The following MTA3 variants were observed in gnomAD, a reference collection of about 807,000 sequenced individuals.
The protein encoded by MTA3 is metastasis associated 1 family member 3.
Under a neutral mutation model 83.5 loss-of-function variants are expected in MTA3, and 34 were observed. The ratio of observed to expected loss-of-function variants is 0.41; its 90% CI spans 0.31 to 0.54. MTA3 has a LOEUF of 0.54. MTA3 is among the 20% of genes least tolerant of loss of function. The probability of loss-of-function intolerance (pLI) is 0.33; values close to 1 mark genes in which losing one functional copy is unlikely to be tolerated. For synonymous variants in MTA3, 303 were observed against 252.7 expected (o/e 1.20, Z -1.89); for missense variants, 761 against 726.4 (o/e 1.05, Z -0.55).
intron 14 of MTA3, among the ~76,000 whole-genome samples, chr2:42,712,130 T>C (rs754719072): frequency 9.9e-5 from 15 of 151,978 alleles, no homozygotes; most frequent in Non-Finnish European, 2.1e-4. Context: ...AGTGAAGAAA[T>C]GGGAGCTTTT....
intron 12 of MTA3, among the ~76,000 whole-genome samples, chr2:42,707,147 A>C (rs759761849): frequency 4.6e-5 from 7 of 152,002 alleles, no homozygotes; most frequent in Admixed American, 1.3e-4. Context: ...ACCTGTTTTT[A>C]TTAGATTCCT....
chr2:42,620,769 C>T (rs1443165992), intron 4 of MTA3, among the ~76,000 whole-genome samples: 2 of 152,138 alleles, frequency 1.3e-5, no homozygotes, highest in African/African-American at 4.8e-5. Context: ...GTTGGGATTA[C>T]GGGGATGAGC....
chr2:42,540,615 G>A (rs952848568), intron 2 of MTA3, among the ~76,000 whole-genome samples: 3 of 151,836 alleles, frequency 2.0e-5, no homozygotes, highest in African/African-American at 4.8e-5. Flanking sequence ...CAGGAGGATC[G>A]CTTGAGGCCA....
intron 4 of MTA3, among the ~76,000 whole-genome samples, chr2:42,622,316 G>A (rs1367341940): frequency 6.7e-6 from 1 of 148,452 alleles, no homozygotes; most frequent in East Asian, 2.0e-4. Flanking sequence ...TGAGGCAGGA[G>A]AATCAGACAG....
rs7606545 is a variant in MTA3 at position 42,606,807 on chromosome 2, C to G, written c.191-2651C>G. Among the ~76,000 whole-genome samples, 726 of 146,654 alleles carry G rather than the reference C, an allele frequency of 5.0e-3. 9 individuals carry two copies. Among genetic ancestry groups the G allele is most frequent in the African/African-American group, 0.017 (666 of 38,758 alleles). On this transcript the variant is annotated intron_variant, in intron 3 of 16. Coordinates refer to ENST00000405094, the MANE Select transcript of MTA3 (RefSeq NM_001330442.2). ...TGGGCACCATTGAGCACTGAGTGAACGAGACTCCGTCTGCAATCCCGGCAC... is the reference window on the plus strand; with the variant it reads ...TGGGCACCATTGAGCACTGAGTGAAGGAGACTCCGTCTGCAATCCCGGCAC...
intron 2 of MTA3, among the ~76,000 whole-genome samples, chr2:42,521,607 C>T (rs545533325): frequency 6.6e-6 from 1 of 152,210 alleles, no homozygotes; most frequent in Non-Finnish European, 1.5e-5. Flanking sequence ...GCCATGGACC[C>T]GGGGCACACA....
At chr2:42,610,700 G>A (rs780367656) in intron 4 of MTA3, among the ~76,000 whole-genome samples, 4 of 151,984 alleles carry the variant, frequency 2.6e-5, no homozygotes, top group Non-Finnish European at 5.9e-5. Context: ...TCTTACCCTC[G>A]GTCAGGAAAG....
chr2:42,682,120 A>T (rs568956455), intron 8 of MTA3, among the ~76,000 whole-genome samples: 1 of 152,112 alleles, frequency 6.6e-6, no homozygotes, highest in South Asian at 2.1e-4. Context: ...AGGCAGGAGG[A>T]TTGCTTGAGC....
At chr2:42,531,343 A>G (rs563605802) in intron 2 of MTA3, among the ~76,000 whole-genome samples, 14 of 151,532 alleles carry the variant, frequency 9.2e-5, no homozygotes, top group South Asian at 4.2e-4. Context: ...GCCCTTTTTC[A>G]TGCATGGTCA....
rs927606420 is a variant in MTA3 at position 42,668,832 on chromosome 2, C to T, written c.702+8970C>T. ...TTAATATAATCTTTCATATAATCTT[C>T]CTCTTAAAACAAGCTATAATTTTTT... is the stretch of plus-strand genomic sequence containing the variant. On this transcript the variant is annotated intron_variant, in intron 8 of 16. Coordinates refer to ENST00000405094, the MANE Select transcript of MTA3 (RefSeq NM_001330442.2). Among the ~76,000 whole-genome samples, 4 of 152,186 alleles carry T rather than the reference C, an allele frequency of 2.6e-5. No individual in the cohort carries two copies. The South Asian group carries it at 6.2e-4, about 24-fold the overall frequency.
intron 16 of MTA3, among the ~76,000 whole-genome samples, chr2:42,731,246 G>T (rs1229712389): frequency 2.0e-5 from 3 of 151,580 alleles, no homozygotes; most frequent in Non-Finnish European, 1.5e-5. Flanking sequence ...TACTATTTTG[G>T]ATTTAGTTTG....
chr2:42,549,038 G>T (rs1225037146), intron 2 of MTA3, among the ~76,000 whole-genome samples: 2 of 136,986 alleles, frequency 1.5e-5, no homozygotes, highest in Non-Finnish European at 3.1e-5. Context: ...GCTGGGCGTG[G>T]TCGTGCATGC....
At chr2:42,587,690 G>A (rs556501684) in intron 3 of MTA3, among the ~76,000 whole-genome samples, 73 of 152,182 alleles carry the variant, frequency 4.8e-4, no homozygotes, top group African/African-American at 1.7e-3. Context: ...GCTGCCTTGA[G>A]GTAGGGATTC....
intron 3 of MTA3, among the ~76,000 whole-genome samples, chr2:42,585,831 A>C (rs906047337): frequency 6.6e-6 from 1 of 152,230 alleles, no homozygotes; most frequent in South Asian, 2.1e-4. Flanking sequence ...TTACCTACAA[A>C]GGAGGGTGAG....
At chr2:42,735,956 T>C (rs1668581199) in intron 16 of MTA3, among the ~76,000 whole-genome samples, 1 of 152,190 alleles carries the variant, frequency 6.6e-6, no homozygotes, top group African/African-American at 2.4e-5. Flanking sequence ...TTTAGCTTGT[T>C]TGGTGAGGTC....
intron 6 of MTA3, among the ~76,000 whole-genome samples, chr2:42,652,189 G>C (rs955778805): frequency 2.0e-5 from 3 of 152,186 alleles, no homozygotes; most frequent in Non-Finnish European, 2.9e-5. Context: ...ATGAACCTTC[G>C]AGGTAATCTC....
intron 3 of MTA3, among the ~76,000 whole-genome samples, chr2:42,603,878 C>G (rs1225205743): frequency 3.9e-5 from 6 of 152,094 alleles, no homozygotes; most frequent in African/African-American, 1.4e-4. Flanking sequence ...AGCCTCCCCA[C>G]TACCTGGGAC....
intron 11 of MTA3, 133 bp from the exon 12 acceptor site, chr2:42,704,061 T>A (rs1464837678): frequency 9.4e-7 from 1 of 1,065,098 alleles, no homozygotes; most frequent in African/African-American, 1.6e-5. Flanking sequence ...GTTTTACCAG[T>A]TTATTTCTTC....
chr2:42,704,724 G>A (rs972797248), intron 12 of MTA3, among the ~76,000 whole-genome samples: 2 of 152,144 alleles, frequency 1.3e-5, no homozygotes, highest in Non-Finnish European at 2.9e-5. Context: ...CCTCTGTGTG[G>A]ATAAGCTGCT....
Sources: allele counts gnomAD v4.1 joint callset (sites outside exome capture counted in the v4.1 genomes callset), GRCh38; gene constraint gnomAD v4.1.1; transcripts MANE v1.5; gene names NCBI Gene and HGNC (gene_info 2026-07-23, HGNC 2026-07-21).